Variants in ALK observed in about 807,000 individuals in gnomAD.
ALK encodes the protein ALK receptor tyrosine kinase.
A neutral mutation model predicts 163.1 loss-of-function variants in ALK; 74 were observed. The ratio of observed to expected loss-of-function variants is 0.45; its 90% confidence interval spans 0.38 to 0.55. The LOEUF (loss-of-function observed/expected upper bound fraction) is 0.55, where lower values mean the gene tolerates loss of function less well. ALK is among the 20% of genes least tolerant of loss of function. The pLI is 0.00. For synonymous variants in ALK, 960 were observed against 843.2 expected (o/e 1.14, Z -2.40); for missense variants, 2,063 against 2,105.3 (o/e 0.98, Z 0.39).
At chr2:29,438,905 G>A (rs1409781426) in intron 4 of ALK, among the ~76,000 whole-genome samples, 7 of 152,162 alleles carry the variant, frequency 4.6e-5, no homozygotes. Flanking sequence ...TATTATAGAT[G>A]CCAGTTCTTC....
intron 5 of ALK, among the ~76,000 whole-genome samples, chr2:29,357,632 A>C (rs1004167858): frequency 6.6e-6 from 1 of 152,126 alleles, no homozygotes; most frequent in Admixed American, 6.5e-5. Context: ...CTGAGGCCCC[A>C]TCTCCCCCAC....
intron 26 of ALK, among the ~76,000 whole-genome samples, chr2:29,204,746 T>C (rs1387335133): frequency 6.6e-6 from 1 of 152,168 alleles, no homozygotes; most frequent in African/African-American, 2.4e-5. Context: ...CCTACCACCA[T>C]GCCCAGCTAA....
intron 9 of ALK, among the ~76,000 whole-genome samples, chr2:29,291,951 A>T (rs990559622): frequency 6.6e-6 from 1 of 152,234 alleles, no homozygotes; most frequent in Non-Finnish European, 1.5e-5. Flanking sequence ...ATAAAAATTG[A>T]ATAGAAAAAA....
chr2:29,443,573 T>G (rs564791475), intron 4 of ALK, among the ~76,000 whole-genome samples: 1 of 152,330 alleles, frequency 6.6e-6, no homozygotes, highest in East Asian at 1.9e-4. Flanking sequence ...CTTTGCCCGC[T>G]GGCTTTGCTT....
At chr2:29,622,702 G>A (rs1287091059) in intron 3 of ALK, among the ~76,000 whole-genome samples, 2 of 152,126 alleles carry the variant, frequency 1.3e-5, no homozygotes, top group African/African-American at 4.8e-5. Flanking sequence ...GTTCCTTGAA[G>A]TTCCACAGTT....
chr2:29,320,938 G>A (rs1184487136), intron 6 of ALK, 56 bp from the exon 7 acceptor site: 2 of 1,611,404 alleles, frequency 1.2e-6, no homozygotes, highest in Admixed American at 1.7e-5. Flanking sequence ...GGCAAAATAT[G>A]CCAATGCCAA....
intron 23 of ALK, among the ~76,000 whole-genome samples, chr2:29,218,055 CCAGCT>C (rs911226726): frequency 1.3e-5 from 2 of 152,158 alleles, no homozygotes; most frequent in African/African-American, 4.8e-5. Flanking sequence ...TGCAGGAAGC[CCAGCT>C]AAGCCCCAGG....
chr2:29,816,836 G>A (rs79930714), intron 1 of ALK, among the ~76,000 whole-genome samples: 186 of 152,272 alleles, frequency 1.2e-3, no homozygotes, highest in African/African-American at 4.2e-3. Context: ...GGTCTATGAG[G>A]GGCTAGGCCT....
In ALK at chr2:29,920,233, G is replaced by T. The variant is rs1176553598; in HGVS notation, c.427C>A (p.Leu143Met). 1 of 1,611,354 alleles carries T rather than the reference G, an allele frequency of 6.2e-7. No homozygotes were observed. Among genetic ancestry groups the T allele is most frequent in the Admixed American group, 1.7e-5 (1 of 59,764 alleles). The change falls in exon 1 of 29, where the codon CTG (leucine) becomes ATG (methionine). Residue 143 changes from leucine to methionine, a missense_variant. Physicochemically the swap from Leu to Met is conservative, Grantham distance 15. This residue lies in a region of ALK where 987 missense variants were observed against 939.5 expected (regional missense o/e 1.05). Transcript: ENST00000389048. Reference sequence around the variant, plus strand: ...AAGATCGCCTCCTCGCCCAGCTCCAGCACCAACTGCTTGGCACGCCGGAGC... The same window carrying T: ...AAGATCGCCTCCTCGCCCAGCTCCATCACCAACTGCTTGGCACGCCGGAGC... ...RKLRRAKQLV[L>M]ELGEEAILEG...
At chr2:29,823,027 A>G (rs978505301) in intron 1 of ALK, among the ~76,000 whole-genome samples, 1 of 152,196 alleles carries the variant, frequency 6.6e-6, no homozygotes, top group African/African-American at 2.4e-5. Flanking sequence ...TCCACGTGTT[A>G]TGGGAGGGAC....
chr2:29,371,146 C>G (rs918411571), intron 5 of ALK, among the ~76,000 whole-genome samples: 2 of 152,228 alleles, frequency 1.3e-5, no homozygotes, highest in Non-Finnish European at 2.9e-5. Flanking sequence ...GAGGGGCCTT[C>G]TGGGCCGCTG....
chr2:29,558,981 T>C (rs920161556), intron 3 of ALK, among the ~76,000 whole-genome samples: 3 of 152,174 alleles, frequency 2.0e-5, no homozygotes, highest in African/African-American at 7.2e-5. Flanking sequence ...TTTCTGTCCA[T>C]ATACACTCCT....
chr2:29,502,683 C>T (rs1223545922), intron 4 of ALK, among the ~76,000 whole-genome samples: 1 of 150,692 alleles, frequency 6.6e-6, no homozygotes, highest in Non-Finnish European at 1.5e-5. Flanking sequence ...TGAGATGGGG[C>T]ACATATTTTT....
intron 4 of ALK, among the ~76,000 whole-genome samples, chr2:29,407,341 A>G (rs1164374835): frequency 6.6e-6 from 1 of 152,254 alleles, no homozygotes; most frequent in Non-Finnish European, 1.5e-5. Flanking sequence ...CACAGTTAAC[A>G]TTTATTGAAC....
chr2:29,642,219 A>C (rs1378698551), intron 3 of ALK, among the ~76,000 whole-genome samples: 2 of 152,170 alleles, frequency 1.3e-5, no homozygotes, highest in African/African-American at 4.8e-5. Context: ...AAATTTGAGA[A>C]GTTCTAGTCT....
At chr2:29,325,732 C>T (rs769375699) in intron 6 of ALK, among the ~76,000 whole-genome samples, 3 of 152,220 alleles carry the variant, frequency 2.0e-5, no homozygotes, top group Non-Finnish European at 4.4e-5. Flanking sequence ...ACTTAAACTC[C>T]GTGAGCTTCA....
intron 4 of ALK, among the ~76,000 whole-genome samples, chr2:29,425,989 T>A (rs1281318682): frequency 6.6e-6 from 1 of 152,208 alleles, no homozygotes; most frequent in Non-Finnish European, 1.5e-5. Context: ...TCAAAAATTA[T>A]GTCTGTAAAG....
At chr2:29,544,119 G>C (rs1369045245) in intron 3 of ALK, among the ~76,000 whole-genome samples, 1 of 152,132 alleles carries the variant, frequency 6.6e-6, no homozygotes, top group Non-Finnish European at 1.5e-5. Flanking sequence ...TGTTAGGTGG[G>C]AACTAAGGAA....
At chr2:29,474,591 C>G (rs1671456723) in intron 4 of ALK, among the ~76,000 whole-genome samples, 1 of 152,162 alleles carries the variant, frequency 6.6e-6, no homozygotes, top group South Asian at 2.1e-4. Context: ...GTTGTGTGCT[C>G]TATTTAAAAT....
Sources: allele counts gnomAD v4.1 joint callset (sites outside exome capture counted in the v4.1 genomes callset), GRCh38; gene constraint gnomAD v4.1.1; regional missense constraint gnomAD v4.1.1; transcripts MANE v1.5; gene names NCBI Gene and HGNC (gene_info 2026-07-23, HGNC 2026-07-21).